AFDN: variants seen among roughly 807,000 people sequenced by gnomAD.
AFDN encodes the protein afadin, adherens junction formation factor.
A neutral mutation model predicts 216.6 loss-of-function variants in AFDN; 68 were observed. The observed-to-expected ratio is 0.31, with a 90% CI of 0.26 to 0.38. The LOEUF is 0.38. Among genes scored for constraint, AFDN ranks in the 10% least tolerant of loss-of-function variants. AFDN has a pLI of 1.00. For synonymous variants in AFDN, 868 were observed against 853.7 expected (o/e 1.02, Z -0.29); for missense variants, 2,136 against 2,342.0 (o/e 0.91, Z 1.82).
At position 167,951,054 on chromosome 6, in the gene AFDN, T is replaced by G; in HGVS notation, c.3832-132T>G. 1 of 1,333,334 alleles carries G rather than the reference T, an allele frequency of 7.5e-7. No individual in the cohort carries two copies. Among genetic ancestry groups the G allele is most frequent in the Admixed American group, 3.1e-5 (1 of 32,720 alleles). The allele number at this position is 1,333,334 out of a possible 1,614,324, so 82.6% of individuals were successfully genotyped here. A position where few individuals can be genotyped will look rare whatever the true frequency, so the allele number is the denominator to read the frequency against. On this transcript the variant is annotated intron_variant, in intron 29 of 33. Transcript: ENST00000683244. The surrounding 1 kb of genome is among the most constrained non-coding windows in gnomAD (Gnocchi z 7.1). ...TTACTCCACATTAGCCAATGAGCCTTGTAGGGCAGTCTCAGTCTCTTTCTG... is the reference window on the plus strand; with the variant it reads ...TTACTCCACATTAGCCAATGAGCCTGGTAGGGCAGTCTCAGTCTCTTTCTG...
At chr6:167,967,000 C>A (rs923692778) in intron 32 of AFDN, among the ~76,000 whole-genome samples, 4 of 152,220 alleles carry the variant, frequency 2.6e-5, no homozygotes, top group African/African-American at 9.6e-5. Context: ...CCTATGCTGA[C>A]TGTAGAGCAG....
At chr6:167,840,838 T>C (rs374397292) in intron 1 of AFDN, among the ~76,000 whole-genome samples, 4 of 152,132 alleles carry the variant, frequency 2.6e-5, no homozygotes, top group African/African-American at 9.7e-5. Flanking sequence ...GGTTGACAGT[T>C]CAGATGGACC....
At chr6:167,874,163 G>A (rs1226279116) in intron 4 of AFDN, among the ~76,000 whole-genome samples, 1 of 152,212 alleles carries the variant, frequency 6.6e-6, no homozygotes, top group Non-Finnish European at 1.5e-5. Flanking sequence ...AGGATTGCTT[G>A]ATCCTGGGAA....
chr6:167,928,113 C>T (rs762845837), intron 23 of AFDN, among the ~76,000 whole-genome samples: 9 of 152,330 alleles, frequency 5.9e-5, no homozygotes, highest in Non-Finnish European at 1.3e-4. Flanking sequence ...CAGTACAAAA[C>T]TATTTGTTTC....
At chr6:167,939,322 C>T (rs73258755) in intron 23 of AFDN, among the ~76,000 whole-genome samples, 7,482 of 152,194 alleles carry the variant, frequency 0.049, 623 homozygotes, top group African/African-American at 0.17. Context: ...TTCTCACTGA[C>T]AGTTGGCATT....
chr6:167,838,635 G>T (rs987315024), intron 1 of AFDN, among the ~76,000 whole-genome samples: 6 of 152,124 alleles, frequency 3.9e-5, no homozygotes, highest in Admixed American at 1.3e-4. Context: ...ACAAATACTT[G>T]CATTTCCAAA....
At chr6:167,878,979 C>T (rs1329923561) in intron 5 of AFDN, among the ~76,000 whole-genome samples, 1 of 152,214 alleles carries the variant, frequency 6.6e-6, no homozygotes, top group East Asian at 1.9e-4. Flanking sequence ...TTCTCACAAC[C>T]TTATATTTTT....
rs150717891 is a variant in AFDN at position 167,846,713 on chromosome 6, GTTTTT to G, written c.106-17826_106-17822del. On this transcript the variant is annotated intron_variant, in intron 1 of 33. Coordinates refer to ENST00000683244, the MANE Select transcript of AFDN (RefSeq NM_001386888.1). ...TAATATTTAAAAAAAAAACCAAGTT[GTTTTT>G]TTTTTTTTTTTCAATGTATCTTAGA... Among the ~76,000 whole-genome samples the G allele has an allele frequency of 5.1e-3, 538 of 105,166 alleles. 2 individuals are homozygous for G. The highest frequency in any genetic ancestry group is 0.017 in the African/African-American group (505 of 29,860). 69.0% of individuals were successfully genotyped at this position (105,166 alleles called of 152,430 possible).
At chr6:167,943,299 G>A in intron 24 of AFDN, 103 bp from the exon 25 acceptor site, 2 of 1,421,402 alleles carry the variant, frequency 1.4e-6, no homozygotes, top group Admixed American at 1.7e-5. Context: ...TATAGTGCTT[G>A]TTGGAAGAAC....
intron 1 of AFDN, among the ~76,000 whole-genome samples, chr6:167,848,299 T>G (rs1781921526): frequency 6.6e-6 from 1 of 152,216 alleles, no homozygotes; most frequent in Non-Finnish European, 1.5e-5. Flanking sequence ...TACTATTATT[T>G]ACATTTCTTT....
rs1723526875 is a variant in AFDN at position 167,882,332 on chromosome 6, T to G, written c.897+1815T>G. 2.0e-5 allele frequency among the ~76,000 whole-genome samples: 3 copies of G among 151,912 alleles called. No individual in the cohort carries two copies. In the South Asian group the frequency reaches 6.2e-4, roughly 32 times the overall value. On this transcript the variant is annotated intron_variant, in intron 6 of 33. Transcript: ENST00000683244. ...AAAAGAAGTAAAACAGACAAGATAT[T>G]TAGATTATTAGTGTAGAATATTTAA...
chr6:167,963,223 ATC>A, intron 31 of AFDN: 1 of 1,064,966 alleles, frequency 9.4e-7, no homozygotes, highest in Non-Finnish European at 1.1e-6. Context: ...TTCTCTCCAT[ATC>A]TCCCTTTGTC....
intron 1 of AFDN, chr6:167,827,925 C>T (rs1319174982): frequency 1.3e-5 from 2 of 152,248 alleles, no homozygotes; most frequent in Non-Finnish European, 2.9e-5. Flanking sequence ...ACGCTCGCTC[C>T]TGGCCTGGTA....
chr6:167,864,448 C>G, intron 1 of AFDN, 103 bp from the exon 2 acceptor site: 1 of 1,091,870 alleles, frequency 9.2e-7, no homozygotes, highest in Admixed American at 1.7e-5. Flanking sequence ...TATGATGAAG[C>G]ATTTTTTAAA....
chr6:167,926,202 A>G (rs3778660), intron 23 of AFDN, among the ~76,000 whole-genome samples: 19,308 of 152,258 alleles, frequency 0.13, 1,485 homozygotes, highest in South Asian at 0.23. Flanking sequence ...AAAAGCTTTC[A>G]CCGAAGCTTT....
At chr6:167,966,967 G>A (rs373081197) in intron 32 of AFDN, among the ~76,000 whole-genome samples, 1 of 152,224 alleles carries the variant, frequency 6.6e-6, no homozygotes, top group Non-Finnish European at 1.5e-5. Context: ...CTTAGCAGGC[G>A]TGCAGCTGCC....
chr6:167,913,398 T>C lies in AFDN; in HGVS notation c.2038-5T>C. On this transcript the variant is annotated splice_polypyrimidine_tract_variant and splice_region_variant and intron_variant, in intron 15 of 33. Coordinates refer to ENST00000683244, the MANE Select transcript of AFDN (RefSeq NM_001386888.1). ...CTTGATTTCCCCTCGTCTGTTTTTC[T>C]CCAGGAAGTAGACCAGGTTGACCAG... The C allele has an allele frequency of 6.5e-7, 1 of 1,536,000 alleles. No individual in the cohort carries two copies. The highest frequency in any genetic ancestry group is 8.7e-7 in the Non-Finnish European group (1 of 1,146,808).
intron 15 of AFDN, among the ~76,000 whole-genome samples, chr6:167,912,844 T>G (rs1790575987): frequency 6.6e-6 from 1 of 152,224 alleles, no homozygotes; most frequent in Non-Finnish European, 1.5e-5. Flanking sequence ...AGAACTGTGG[T>G]AGTGAATAAT....
chr6:167,898,467 G>T lies in AFDN; in HGVS notation c.1580G>T (p.Gly527Val), dbSNP rs760813885. The T allele has an allele frequency of 6.2e-7, 1 of 1,612,930 alleles. No individual in the cohort carries two copies. Among genetic ancestry groups the T allele is most frequent in the Non-Finnish European group, 8.5e-7 (1 of 1,179,330 alleles). The part of the protein sequence containing the change: ...LMVKGPRHKP[G>V]IVQETTFDLG... The stretch of plus-strand genomic sequence containing the variant: ...GTTAAGGGCCCAAGACATAAACCTG[G>T]GTAAATAGATTAACCCTAAGATTTA... The change falls in exon 11 of 34, where the codon GGA (glycine) becomes GTA (valine). Residue 527 changes from glycine (G) to valine (V), a missense_variant and splice_region_variant. Around this residue, in one of 8 missense-constraint regions of AFDN, gnomAD observed 817 missense variants for 965.7 expected, o/e 0.85. Transcript: ENST00000683244.
Sources: gnomAD v4.1 joint callset for allele counts (sites outside exome capture counted in the v4.1 genomes callset) on GRCh38, gnomAD v4.1.1 for gene constraint, gnomAD v4.1.1 regional missense constraint, Gnocchi (gnomAD v3.1) non-coding constraint, MANE v1.5 for transcripts, NCBI Gene and HGNC (gene_info 2026-07-23, HGNC 2026-07-21) for gene names.